The following CCNYL1 variants were observed in gnomAD, a reference collection of about 807,000 sequenced individuals.
CCNYL1 encodes the protein cyclin Y like 1.
A neutral mutation model predicts 44.2 loss-of-function variants in CCNYL1; 16 were observed. The ratio of observed to expected loss-of-function variants is 0.36; its 90% CI spans 0.25 to 0.55. The LOEUF (loss-of-function observed/expected upper bound fraction) is 0.55, where lower values mean the gene tolerates loss of function less well. Among genes scored for constraint, CCNYL1 ranks in the 20% least tolerant of loss-of-function variants. CCNYL1 has a pLI of 0.85. For missense variants in CCNYL1, 348 were observed against 451.8 expected (o/e 0.77, Z 2.08); for synonymous variants, 159 against 163.2 (o/e 0.97, Z 0.20).
chr2:207,717,198 G>C (rs955365814), intron 1 of CCNYL1, among the ~76,000 whole-genome samples: 77 of 147,862 alleles, frequency 5.2e-4, no homozygotes, highest in African/African-American at 1.8e-3. Context: ...AATATTTTTT[G>C]TTTCTTGGTA....
In CCNYL1 at chr2:207,712,076, C is replaced by T. The variant is rs2091553040; in HGVS notation, c.180C>T (p.Gly60=). 6.3e-7 allele frequency: 1 copy of T among 1,585,966 alleles called. No individual in the cohort carries two copies. The highest frequency in any genetic ancestry group is 1.4e-5 in the African/African-American group (1 of 72,770). The stretch of plus-strand genomic sequence containing the variant: ...AGTTGGATTTCGGAGAGGGCGAGGG[C>T]CACCACCTGCAGCACATCAGCGACC... ...PAELDFGEGE[G]HHLQHISDRE... is the part of the protein sequence containing the mutation. Residue 60 remains glycine, a synonymous_variant, in exon 1 of 10, where the codon GGC becomes GGT. Coordinates refer to ENST00000295414, the MANE Select transcript of CCNYL1 (RefSeq NM_001330218.2).
At position 207,730,587 on chromosome 2, in the gene CCNYL1, G is replaced by A. The variant is rs190223325; in HGVS notation, c.331-3360G>A. On this transcript the variant is annotated intron_variant, in intron 3 of 9. Coordinates refer to ENST00000295414, the MANE Select transcript of CCNYL1 (RefSeq NM_001330218.2). ...AGCCTTGCCAACATGTTGAAACTCC[G>A]TTTCTACTAAAAATATAAAAATTAG... Among the ~76,000 whole-genome samples the A allele has an allele frequency of 5.1e-3, 777 of 152,066 alleles. 7 individuals carry two copies. Among genetic ancestry groups the A allele is most frequent in the African/African-American group, 0.017 (723 of 41,476 alleles).
chr2:207,732,864 C>T (rs1261972826), intron 3 of CCNYL1, among the ~76,000 whole-genome samples: 1 of 152,176 alleles, frequency 6.6e-6, no homozygotes, highest in Non-Finnish European at 1.5e-5. Context: ...TGTGTAGTAG[C>T]ATTTACCTTC....
At position 207,729,393 on chromosome 2, in the gene CCNYL1, A is replaced by G. The variant is rs574605411; in HGVS notation, c.330+2517A>G. ...TCTTTCATCTTTTTGAAGGTATTTT[A>G]AGAATTTTTTTAAGTTTTCATTTGC... On this transcript the variant is annotated intron_variant, in intron 3 of 9. Transcript: ENST00000295414. Among the ~76,000 whole-genome samples, 7 of 151,252 alleles carry G rather than the reference A, an allele frequency of 4.6e-5. No homozygotes were observed. In the South Asian group the frequency reaches 1.5e-3, roughly 32 times the overall value.
chr2:207,753,945 G>C lies in CCNYL1; in HGVS notation c.*247G>C, dbSNP rs1355734326. ...TTACAAAAACCACTCCAAAGTGAAG[G>C]CTCCCATCCTACACACAGATATTTG... On this transcript the variant is annotated 3_prime_UTR_variant, in exon 10 of 10. Transcript: ENST00000295414. The C allele has an allele frequency of 2.7e-6, 1 of 375,850 alleles. No individual in the cohort carries two copies. The highest frequency in any genetic ancestry group is 2.1e-5 in the African/African-American group (1 of 48,240). 23.3% of individuals were successfully genotyped at this position (375,850 alleles called of 1,614,324 possible). A position where few individuals can be genotyped will look rare whatever the true frequency, so the allele number is the denominator to read the frequency against.
At chr2:207,739,569 TA>T (rs1022001908) in intron 5 of CCNYL1, among the ~76,000 whole-genome samples, 8 of 152,124 alleles carry the variant, frequency 5.3e-5, no homozygotes, top group Non-Finnish European at 8.8e-5. Flanking sequence ...TACTTTCAAG[TA>T]AAAATGATAT....
chr2:207,735,859 G>C (rs1432117625), intron 4 of CCNYL1, among the ~76,000 whole-genome samples: 1 of 151,510 alleles, frequency 6.6e-6, no homozygotes. Flanking sequence ...GCAAGACTCT[G>C]TCTCAAAAAA....
At chr2:207,717,755 A>G (rs2091607865) in intron 1 of CCNYL1, among the ~76,000 whole-genome samples, 1 of 152,146 alleles carries the variant, frequency 6.6e-6, no homozygotes, top group Non-Finnish European at 1.5e-5. Flanking sequence ...CAAGGACAGA[A>G]AGACACAGGG....
chr2:207,715,977 C>T (rs997820379), intron 1 of CCNYL1, among the ~76,000 whole-genome samples: 1 of 152,036 alleles, frequency 6.6e-6, no homozygotes, highest in Non-Finnish European at 1.5e-5. Flanking sequence ...CGCCTGGTCT[C>T]GTCAAGCTAA....
At chr2:207,735,071 A>G (rs1331055204) in intron 4 of CCNYL1, among the ~76,000 whole-genome samples, 1 of 152,218 alleles carries the variant, frequency 6.6e-6, no homozygotes. Context: ...ATAAGATTCA[A>G]AGTAGTTTTA....
At chr2:207,751,994 C>T (rs373894535) in intron 9 of CCNYL1, among the ~76,000 whole-genome samples, 2 of 151,746 alleles carry the variant, frequency 1.3e-5, no homozygotes, top group African/African-American at 4.8e-5. Flanking sequence ...AAGATTGCAC[C>T]GCTGCACTCT....
intron 1 of CCNYL1, chr2:207,714,479 A>T (rs1366329405): frequency 2.9e-6 from 1 of 340,822 alleles, no homozygotes; most frequent in Non-Finnish European, 5.7e-6. Flanking sequence ...ATGTCTATAC[A>T]TTCATTTCAG....
chr2:207,751,267 T>A, intron 9 of CCNYL1, 148 bp downstream of exon 9: 2 of 639,148 alleles, frequency 3.1e-6, no homozygotes, highest in South Asian at 2.4e-5. Flanking sequence ...GGCGTCAGAT[T>A]TCCTGTGTCT....
At chr2:207,750,934 C>G (rs2091886372) in intron 8 of CCNYL1, 23 bp from the exon 9 acceptor site, 2 of 1,609,160 alleles carry the variant, frequency 1.2e-6, no homozygotes, top group African/African-American at 2.7e-5. Flanking sequence ...TGTGCTGGTT[C>G]TGTTGTGTTC....
intron 3 of CCNYL1, among the ~76,000 whole-genome samples, chr2:207,731,929 C>CT (rs1241885461): frequency 2.6e-5 from 4 of 151,794 alleles, no homozygotes; most frequent in African/African-American, 9.7e-5. Context: ...CTTGCCTCGG[C>CT]CTCCCGAGTA....
intron 6 of CCNYL1, among the ~76,000 whole-genome samples, chr2:207,741,678 C>G (rs1167900574): frequency 6.6e-6 from 1 of 151,862 alleles, no homozygotes; most frequent in Non-Finnish European, 1.5e-5. Flanking sequence ...AACCCTGCCT[C>G]TGTTAAAAAT....
chr2:207,733,668 T>C (rs2091745086), intron 3 of CCNYL1, among the ~76,000 whole-genome samples: 1 of 152,230 alleles, frequency 6.6e-6, no homozygotes, highest in South Asian at 2.1e-4. Context: ...TTGTAAACTT[T>C]TCCCATTAAT....
At chr2:207,740,870 T>G (rs2663879) in intron 6 of CCNYL1, among the ~76,000 whole-genome samples, 164 bp downstream of exon 6, 2 of 152,110 alleles carry the variant, frequency 1.3e-5, no homozygotes, top group African/African-American at 2.4e-5. Flanking sequence ...ATTTAAAAAT[T>G]CACTTCCTCA....
chr2:207,723,969 A>G (rs1194891169), intron 1 of CCNYL1, among the ~76,000 whole-genome samples: 7 of 152,060 alleles, frequency 4.6e-5, no homozygotes, highest in Admixed American at 3.9e-4. Context: ...TATTATGGCA[A>G]AGTTTGTTTC....
Sources: allele counts gnomAD v4.1 joint callset (sites outside exome capture counted in the v4.1 genomes callset), GRCh38; gene constraint gnomAD v4.1.1; transcripts MANE v1.5; gene names NCBI Gene and HGNC (gene_info 2026-07-23, HGNC 2026-07-21).